CSMD1: variants seen among roughly 807,000 people sequenced by gnomAD.
CSMD1 encodes CUB and Sushi multiple domains 1.
A neutral mutation model predicts 417.5 loss-of-function variants in CSMD1; 213 were observed. That is an observed-to-expected ratio of 0.51 (90% CI 0.46 to 0.57). The LOEUF is 0.57. CSMD1 is among the 20% of genes least tolerant of loss of function. The pLI is 0.00. For missense variants in CSMD1, 6,923 were observed against 4,529.7 expected (o/e 1.53, Z -15.17); for synonymous variants, 2,862 against 1,736.8 (o/e 1.65, Z -16.11).
chr8:4,483,023 C>T (rs904870771), intron 2 of CSMD1, among the ~76,000 whole-genome samples: 6 of 152,176 alleles, frequency 3.9e-5, no homozygotes, highest in Non-Finnish European at 7.4e-5. Flanking sequence ...TTTGGCTCTG[C>T]GTCCCCACCG....
At chr8:3,322,781 T>C (rs916334494) in intron 23 of CSMD1, among the ~76,000 whole-genome samples, 14 of 152,176 alleles carry the variant, frequency 9.2e-5, no homozygotes, top group African/African-American at 3.4e-4. Flanking sequence ...ACCTCAAACA[T>C]CACCAAGGAG....
chr8:3,355,460 C>A (rs568694047), intron 21 of CSMD1, among the ~76,000 whole-genome samples: 68 of 152,290 alleles, frequency 4.5e-4, no homozygotes, highest in African/African-American at 1.2e-3. Flanking sequence ...AGATGGAATT[C>A]TAAATGTGCT....
At chr8:4,441,467 T>C (rs1798478139) in intron 2 of CSMD1, among the ~76,000 whole-genome samples, 1 of 151,960 alleles carries the variant, frequency 6.6e-6, no homozygotes, top group Admixed American at 6.6e-5. Flanking sequence ...TTGAATGTTT[T>C]ATTAGGAGTT....
chr8:4,810,862 T>A (rs962077401), intron 1 of CSMD1, among the ~76,000 whole-genome samples: 11 of 152,182 alleles, frequency 7.2e-5, no homozygotes, highest in African/African-American at 2.4e-4. Flanking sequence ...AAATGATTTA[T>A]AAGAAAACTG....
chr8:3,030,579 C>A (rs1056664303), intron 50 of CSMD1, among the ~76,000 whole-genome samples: 5 of 151,920 alleles, frequency 3.3e-5, no homozygotes, highest in Non-Finnish European at 7.4e-5. Flanking sequence ...CGGGTTCAAG[C>A]GATTCTCCTG....
intron 3 of CSMD1, among the ~76,000 whole-genome samples, chr8:4,403,849 G>T (rs1008570930): frequency 1.3e-5 from 2 of 152,034 alleles, no homozygotes; most frequent in African/African-American, 4.8e-5. Flanking sequence ...GTCTGATTGG[G>T]AATTTACATT....
chr8:4,515,526 A>G (rs940154394), intron 2 of CSMD1, among the ~76,000 whole-genome samples: 1 of 152,238 alleles, frequency 6.6e-6, no homozygotes, highest in African/African-American at 2.4e-5. Flanking sequence ...TAAAAACTTC[A>G]TACAGTTATT....
intron 8 of CSMD1, among the ~76,000 whole-genome samples, chr8:3,610,172 T>A (rs1033775778): frequency 8.5e-5 from 13 of 152,116 alleles, no homozygotes; most frequent in Non-Finnish European, 2.9e-5. Context: ...TACTTGGCTG[T>A]AGTCCAGCAG....
At chr8:3,359,893 ACAAG>A (rs750155725) in intron 20 of CSMD1, among the ~76,000 whole-genome samples, 4 of 152,302 alleles carry the variant, frequency 2.6e-5, no homozygotes, top group African/African-American at 4.8e-5. Flanking sequence ...TAACTAGAAG[ACAAG>A]CAGACAAATA....
At chr8:4,628,385 CAT>C (rs1423590693) in intron 2 of CSMD1, among the ~76,000 whole-genome samples, 1 of 143,584 alleles carries the variant, frequency 7.0e-6, no homozygotes, top group South Asian at 2.2e-4. Flanking sequence ...TATATACACA[CAT>C]ATATATACAC....
intron 1 of CSMD1, among the ~76,000 whole-genome samples, chr8:4,792,375 T>G (rs958547559): frequency 6.6e-6 from 1 of 152,238 alleles, no homozygotes; most frequent in African/African-American, 2.4e-5. Context: ...AACTCTAGTT[T>G]CAATTCCAGA....
intron 5 of CSMD1, among the ~76,000 whole-genome samples, chr8:3,908,048 A>C (rs983349117): frequency 2.0e-5 from 3 of 152,086 alleles, no homozygotes; most frequent in African/African-American, 7.2e-5. Flanking sequence ...ATTTGACCCC[A>C]AAGTCTGACT....
intron 2 of CSMD1, among the ~76,000 whole-genome samples, chr8:4,513,257 G>T (rs559110679): frequency 1.3e-5 from 2 of 152,116 alleles, no homozygotes; most frequent in Non-Finnish European, 2.9e-5. Context: ...GGGACAGGGG[G>T]TATATAAATT....
intron 1 of CSMD1, among the ~76,000 whole-genome samples, chr8:4,674,612 C>A (rs1295471321): frequency 6.6e-6 from 1 of 152,114 alleles, no homozygotes; most frequent in Non-Finnish European, 1.5e-5. Flanking sequence ...AAATCAGGAA[C>A]ACCAAGGAGA....
chr8:3,951,813 A>C (rs1811619023), intron 5 of CSMD1, among the ~76,000 whole-genome samples: 1 of 152,178 alleles, frequency 6.6e-6, no homozygotes, highest in Non-Finnish European at 1.5e-5. Context: ...AAAGAAGTGA[A>C]AAATAGTAAC....
chr8:4,254,439 G>A (rs762682755), intron 3 of CSMD1, among the ~76,000 whole-genome samples: 2 of 152,154 alleles, frequency 1.3e-5, no homozygotes, highest in Non-Finnish European at 2.9e-5. Context: ...TAGTGGAGCT[G>A]AACAATGATC....
rs545004712 is a variant in CSMD1, at chr8:2,995,913, G to A, written c.8377+2098C>T. Among the ~76,000 whole-genome samples the A allele has an allele frequency of 8.5e-5, 13 of 152,314 alleles. No individual in the cohort carries two copies. In the South Asian group the frequency reaches 2.3e-3, roughly 27 times the overall value. On this transcript the variant is annotated intron_variant, in intron 54 of 69. Coordinates refer to ENST00000635120, the MANE Select transcript of CSMD1 (RefSeq NM_033225.6). ...GGAATTAAGAATGAGGTTGGGATGC[G>A]TGGGTGTGTTTATAAGCGGAGTAAG...
In CSMD1 at chr8:4,724,745, G is replaced by T. The variant is rs532957006; in HGVS notation, c.86-87187C>A. Among the ~76,000 whole-genome samples, 35 of 152,148 alleles carry T rather than the reference G, an allele frequency of 2.3e-4. No homozygotes were observed. In the South Asian group the frequency reaches 6.8e-3, roughly 30 times the overall value. The stretch of plus-strand genomic sequence containing the variant: ...GATTAATCAACGATTAGCTCTTGAA[G>T]CATTTATCACGTTTTTTAAAAGTTA... On this transcript the variant is annotated intron_variant, in intron 1 of 69. Transcript: ENST00000635120.
intron 2 of CSMD1, among the ~76,000 whole-genome samples, chr8:4,624,459 T>A (rs73188743): frequency 0.11 from 16,037 of 152,236 alleles, 1,001 homozygotes; most frequent in Non-Finnish European, 0.15. Context: ...CTGACAAGGC[T>A]GCAGTTGTCA....
Sources: allele counts gnomAD v4.1 joint callset (sites outside exome capture counted in the v4.1 genomes callset), GRCh38; gene constraint gnomAD v4.1.1; transcripts MANE v1.5; gene names NCBI Gene and HGNC (gene_info 2026-07-23, HGNC 2026-07-21).